The following FAM161B variants were observed in gnomAD, a reference collection of about 807,000 sequenced individuals.
FAM161B encodes the protein protein FAM161B.
In FAM161B, 46 loss-of-function variants were observed where a neutral mutation model predicts 61.5. The ratio of observed to expected loss-of-function variants is 0.75; its 90% CI spans 0.59 to 0.96. The LOEUF (loss-of-function observed/expected upper bound fraction) is 0.96. Ranked by LOEUF, FAM161B falls within the 40% of genes least tolerant of loss-of-function variation. The pLI, the probability that FAM161B is intolerant of heterozygous loss-of-function variation, is 0.00. For synonymous variants in FAM161B, 284 were observed against 302.7 expected, an observed-to-expected ratio of 0.94 and a Z score of 0.64; for missense variants, 774 against 800.7, an observed-to-expected ratio of 0.97 and a Z score of 0.40.
chr14:73,944,320 C>CA lies in FAM161B; in HGVS notation c.925+14dup. 1 of 1,555,796 alleles carries CA rather than the reference C, an allele frequency of 6.4e-7. No homozygotes were observed. Among genetic ancestry groups the CA allele is most frequent in the South Asian group, 1.2e-5 (1 of 83,044 alleles). On this transcript the variant is annotated intron_variant, in intron 3 of 8. Transcript: ENST00000286544. ...CCCGAGGCAGGAGGCAGCAAGGTGGCAAGGATGTCTTTACCCTGGAGTTTA... is the reference window on the plus strand; with the variant it reads ...CCCGAGGCAGGAGGCAGCAAGGTGGCAAAGGATGTCTTTACCCTGGAGTTTA...
chr14:73,946,618 A>T lies in FAM161B; in HGVS notation c.55-13T>A, dbSNP rs761239539. Reference sequence around the variant, plus strand: ...CGGGGGGAAATATCTAAAATAGAATAGAAATAGGCTGTGGGTCAAACAATA... The same window carrying T: ...CGGGGGGAAATATCTAAAATAGAATTGAAATAGGCTGTGGGTCAAACAATA... On this transcript the variant is annotated splice_polypyrimidine_tract_variant and intron_variant, in intron 1 of 8. Coordinates refer to ENST00000286544, the MANE Select transcript of FAM161B (RefSeq NM_152445.3). 6.2e-7 allele frequency: 1 copy of T among 1,604,504 alleles called. No individual in the cohort carries two copies. The highest frequency in any genetic ancestry group is 8.5e-7 in the Non-Finnish European group (1 of 1,173,518).
chr14:73,949,276 A>AT (rs34835084), intron 1 of FAM161B, among the ~76,000 whole-genome samples: 2,862 of 151,584 alleles, frequency 0.019, 95 homozygotes, highest in African/African-American at 0.065. Context: ...CTAATTTTGT[A>AT]TTTTTTTTAG....
At chr14:73,935,809 T>A (rs2055967165) in intron 8 of FAM161B, 140 bp downstream of exon 8, 1 of 899,598 alleles carries the variant, frequency 1.1e-6, no homozygotes, top group Admixed American at 3.6e-5. Context: ...CTTGGAGATC[T>A]CTGGATTACT....
chr14:73,940,792 C>T lies in FAM161B; in HGVS notation c.1400+134G>A, dbSNP rs879060995. ...CAGGTGTGGAGAACCGCAATTGTTC[C>T]AGTCCTGATCAGAAAATTCCCTTTG... On this transcript the variant is annotated intron_variant, in intron 5 of 8. Transcript: ENST00000286544. 3 of 1,290,534 alleles carry T rather than the reference C, an allele frequency of 2.3e-6. No individual in the cohort carries two copies. In the South Asian group the frequency reaches 4.5e-5, roughly 20 times the overall value. 79.9% of individuals were successfully genotyped at this position (1,290,534 alleles called of 1,614,324 possible).
chr14:73,942,675 G>C lies in FAM161B; in HGVS notation c.966C>G (p.Ala322=). ...AAGAGGCCATCTGGAGCATGTCCAG[G>C]GCTCTCATTTGGATGCGAATTTTCC... ...LFRKIRIQMR[A]LDMLQMASSP... Residue 322 remains alanine (A), a synonymous_variant, in exon 4 of 9, where the codon GCC becomes GCG. Transcript: ENST00000286544. 6.2e-7 allele frequency: 1 copy of C among 1,614,014 alleles called. No individual in the cohort carries two copies. The highest frequency in any genetic ancestry group is 1.7e-5 in the Admixed American group (1 of 60,008).
At chr14:73,936,627 G>T (rs2055972400) in intron 7 of FAM161B, among the ~76,000 whole-genome samples, 1 of 152,196 alleles carries the variant, frequency 6.6e-6, no homozygotes, top group South Asian at 2.1e-4. Flanking sequence ...CTAGAGAGGT[G>T]AAAGATCTGT....
At chr14:73,926,559 C>T (rs1019084753), downstream of FAM161B, among the ~76,000 whole-genome samples, 1 of 151,968 alleles carries the variant, frequency 6.6e-6, no homozygotes, top group African/African-American at 2.4e-5. Flanking sequence ...TCAAGTCTCC[C>T]AATTAGCTGG....
chr14:73,945,721 C>T (rs1184512622), intron 2 of FAM161B, among the ~76,000 whole-genome samples: 1 of 151,632 alleles, frequency 6.6e-6, no homozygotes, highest in Non-Finnish European at 1.5e-5. Flanking sequence ...AAACACGGTG[C>T]CCGGCCCATT....
chr14:73,935,515 T>C (rs4903156), intron 8 of FAM161B, among the ~76,000 whole-genome samples: 89,842 of 149,240 alleles, frequency 0.6, 27,932 homozygotes, highest in South Asian at 0.73. Flanking sequence ...GGCAACAGAG[T>C]GAGACTCTGT....
At chr14:73,924,726 G>C in the FAM161B span, 1 of 440,696 alleles carries the variant, frequency 2.3e-6, no homozygotes, top group Non-Finnish European at 4.5e-6. Flanking sequence ...GCCCAGGCTG[G>C]AGTGCAGTGG....
intron 1 of FAM161B, among the ~76,000 whole-genome samples, chr14:73,948,572 CT>C (rs774806420): frequency 1.4e-4 from 21 of 152,150 alleles, no homozygotes; most frequent in Non-Finnish European, 2.8e-4. Context: ...CACGTTTTTT[CT>C]TTTCTTTTAA....
intron 2 of FAM161B, among the ~76,000 whole-genome samples, chr14:73,945,299 T>C (rs2056057089): frequency 1.3e-5 from 2 of 152,202 alleles, no homozygotes; most frequent in South Asian, 4.1e-4. Context: ...TTAAATAAGA[T>C]AAAGTAATGA....
chr14:73,940,845 A>G, intron 5 of FAM161B, 81 bp downstream of exon 5: 4 of 1,521,686 alleles, frequency 2.6e-6, no homozygotes, highest in Non-Finnish European at 3.5e-6. Context: ...TGATAACAGG[A>G]AAGGAGGCCC....
chr14:73,939,543 T>C (rs994250554), intron 5 of FAM161B, among the ~76,000 whole-genome samples: 8 of 152,094 alleles, frequency 5.3e-5, no homozygotes, highest in African/African-American at 1.9e-4. Flanking sequence ...AGCATGCCAG[T>C]GGAAAAGCCC....
chr14:73,935,233 A>G (rs1034615065), intron 8 of FAM161B, among the ~76,000 whole-genome samples: 7 of 151,898 alleles, frequency 4.6e-5, no homozygotes, highest in African/African-American at 1.7e-4. Context: ...CAATATCAAA[A>G]TGGGTTATGG....
chr14:73,939,125 T>C (rs62005762), intron 5 of FAM161B, among the ~76,000 whole-genome samples: 62,651 of 151,756 alleles, frequency 0.41, 13,849 homozygotes, highest in South Asian at 0.5. Flanking sequence ...GGTGAAACCC[T>C]GTCTCTACCA....
intron 1 of FAM161B, among the ~76,000 whole-genome samples, chr14:73,949,546 A>G (rs1186912370): frequency 2.1e-5 from 3 of 139,698 alleles, no homozygotes; most frequent in African/African-American, 8.0e-5. Context: ...AAATTTTTAG[A>G]CGGAGTTTCA....
At position 73,942,402 on chromosome 14, in the gene FAM161B, C is replaced by A. The variant is rs778072225; in HGVS notation, c.1239G>T (p.Arg413=). ...TTCCGGTGGTGGCAGCATCACAGGG[C>A]CGCTGAGGGTGGCGCAGGTTGGCGG... is the stretch of plus-strand genomic sequence containing the variant. ...LRTANLRHPQ[R]PCDAATTGRR... The change falls in exon 4 of 9, where the codon CGG becomes CGT. Residue 413 remains arginine, a synonymous_variant. Transcript: ENST00000286544. 6.2e-7 allele frequency: 1 copy of A among 1,614,082 alleles called. No homozygotes were observed. Among genetic ancestry groups the A allele is most frequent in the South Asian group, 1.1e-5 (1 of 91,080 alleles).
rs2336548 is a variant in FAM161B at position 73,932,719 on chromosome 14, C to T, written c.*1537G>A. 2.9e-5 allele frequency: 9 copies of T among 314,604 alleles called. No homozygotes were observed. Among genetic ancestry groups the T allele is most frequent in the East Asian group, 8.9e-5 (1 of 11,234 alleles). 19.5% of individuals were successfully genotyped at this position (314,604 alleles called of 1,614,324 possible). A position where few individuals can be genotyped will look rare whatever the true frequency, so the allele number is the denominator to read the frequency against. On this transcript the variant is annotated 3_prime_UTR_variant, in exon 9 of 9. Coordinates refer to ENST00000286544, the MANE Select transcript of FAM161B (RefSeq NM_152445.3). The stretch of plus-strand genomic sequence containing the variant: ...AGCTCAATGTAACCTTGAACTCCTA[C>T]GCTCAAGGCATCCTCCCACCTCAGC...
Sources: allele counts gnomAD v4.1 joint callset (sites outside exome capture counted in the v4.1 genomes callset), GRCh38; gene constraint gnomAD v4.1.1; transcripts MANE v1.5; gene names NCBI Gene and HGNC (gene_info 2026-07-23, HGNC 2026-07-21).